DPYD: variants seen among roughly 807,000 people sequenced by gnomAD.
DPYD encodes dihydropyrimidine dehydrogenase [NADP(+)].
Under a neutral mutation model 116.2 loss-of-function variants are expected in DPYD, and 109 were observed. The ratio of observed to expected loss-of-function variants is 0.94; its 90% CI spans 0.80 to 1.10. The LOEUF is 1.10. DPYD is among the 50% of genes least tolerant of loss of function. DPYD has a pLI of 0.00. For missense variants in DPYD, 1,302 were observed against 1,254.5 expected (o/e 1.04, Z -0.57); for synonymous variants, 440 against 432.0 (o/e 1.02, Z -0.23).
At chr1:97,638,778 T>C (rs1657714158) in intron 8 of DPYD, among the ~76,000 whole-genome samples, 1 of 152,004 alleles carries the variant, frequency 6.6e-6, no homozygotes, top group Non-Finnish European at 1.5e-5. Flanking sequence ...TGTCGGGCTC[T>C]TCTTAAAAAC....
chr1:97,283,660 TCTA>T (rs1665476001), intron 18 of DPYD, among the ~76,000 whole-genome samples: 1 of 152,184 alleles, frequency 6.6e-6, no homozygotes, highest in African/African-American at 2.4e-5. Context: ...CTATGAGTCT[TCTA>T]CTATAAGAAC....
chr1:97,162,462 T>C (rs1570579656), intron 20 of DPYD, among the ~76,000 whole-genome samples: 2 of 152,216 alleles, frequency 1.3e-5, no homozygotes, highest in East Asian at 1.9e-4. Context: ...TACAAACCAC[T>C]GCTCAATGAA....
chr1:97,162,021 G>A (rs866789145), intron 20 of DPYD, among the ~76,000 whole-genome samples: 121 of 151,422 alleles, frequency 8.0e-4, no homozygotes, highest in Non-Finnish European at 1.3e-3. Context: ...GAATAGAGCC[G>A]CAATAAACAT....
chr1:97,626,585 T>C (rs1164757150), intron 8 of DPYD, among the ~76,000 whole-genome samples: 1 of 152,088 alleles, frequency 6.6e-6, no homozygotes, highest in African/African-American at 2.4e-5. Context: ...TTTCTGAATG[T>C]GATATATACA....
intron 14 of DPYD, among the ~76,000 whole-genome samples, chr1:97,445,393 T>C (rs1676018022): frequency 6.6e-6 from 1 of 152,196 alleles, no homozygotes; most frequent in Non-Finnish European, 1.5e-5. Flanking sequence ...TGCATGTTTG[T>C]TCAGCACACA....
At chr1:97,244,330 C>T (rs1265043544) in intron 18 of DPYD, among the ~76,000 whole-genome samples, 2 of 151,860 alleles carry the variant, frequency 1.3e-5, no homozygotes, top group East Asian at 1.9e-4. Context: ...TTTGCAAATG[C>T]CATTAGTTCA....
At chr1:97,342,700 A>G (rs753794833) in intron 16 of DPYD, among the ~76,000 whole-genome samples, 3 of 152,182 alleles carry the variant, frequency 2.0e-5, no homozygotes, top group Non-Finnish European at 4.4e-5. Flanking sequence ...AGCACTGATG[A>G]ATGTTCAGAA....
chr1:97,649,084 T>C (rs1404221595), intron 8 of DPYD, among the ~76,000 whole-genome samples: 2 of 152,098 alleles, frequency 1.3e-5, no homozygotes, highest in African/African-American at 2.4e-5. Flanking sequence ...TACATTAATA[T>C]TTAACATCTA....
chr1:97,097,695 G>A (rs1650365254), intron 21 of DPYD, among the ~76,000 whole-genome samples: 1 of 152,032 alleles, frequency 6.6e-6, no homozygotes, highest in Non-Finnish European at 1.5e-5. Context: ...TGACTGTGGT[G>A]GTGGATACAT....
At chr1:97,913,158 T>C (rs750979756) in intron 1 of DPYD, among the ~76,000 whole-genome samples, 7 of 152,138 alleles carry the variant, frequency 4.6e-5, no homozygotes, top group Admixed American at 1.3e-4. Context: ...ACTTTTCTTG[T>C]ATTCTCAGGC....
intron 8 of DPYD, among the ~76,000 whole-genome samples, chr1:97,635,510 T>C (rs974241071): frequency 1.3e-5 from 2 of 152,176 alleles, no homozygotes; most frequent in East Asian, 1.9e-4. Context: ...ACCAGTGTGG[T>C]TCTTGCCTAA....
Position 97,864,660 on chromosome 1 carries a change from C to A in DPYD, c.150+18604G>T, listed in dbSNP as rs372774011. The stretch of plus-strand genomic sequence containing the variant: ...ATACTGAATAGTGAGGATGGCGACT[C>A]GAGAAGCTGTTCTAAGAAGAAAAAT... On this transcript the variant is annotated intron_variant, in intron 2 of 22. Coordinates refer to ENST00000370192, the MANE Select transcript of DPYD (RefSeq NM_000110.4). Among the ~76,000 whole-genome samples the A allele has an allele frequency of 7.9e-5, 12 of 151,768 alleles. 1 individual carries two copies. In the East Asian group the frequency reaches 2.3e-3, roughly 30 times the overall value.
chr1:97,156,176 A>AT lies in DPYD; in HGVS notation c.2622+36892dup, dbSNP rs1039814811. 1.7e-4 allele frequency among the ~76,000 whole-genome samples: 26 copies of AT among 152,164 alleles called. No homozygotes were observed. In the East Asian group the frequency reaches 2.9e-3, roughly 17 times the overall value. On this transcript the variant is annotated intron_variant, in intron 20 of 22. Transcript: ENST00000370192. Reference sequence around the variant, plus strand: ...ATCTGTAGTTATTTGAAATGAATAAATTTTTTTTACCTTGGATTAGAGAAT... The same window carrying AT: ...ATCTGTAGTTATTTGAAATGAATAAATTTTTTTTTACCTTGGATTAGAGAAT...
chr1:97,713,182 A>AT (rs1382605152), intron 5 of DPYD, among the ~76,000 whole-genome samples: 12 of 152,206 alleles, frequency 7.9e-5, no homozygotes, highest in Admixed American at 2.6e-4. Flanking sequence ...ATATTGCTTT[A>AT]TACTACCCTA....
intron 3 of DPYD, among the ~76,000 whole-genome samples, chr1:97,788,618 T>G (rs927148473): frequency 6.6e-6 from 1 of 152,198 alleles, no homozygotes; most frequent in Non-Finnish European, 1.5e-5. Flanking sequence ...AATGGTTGAT[T>G]ATGTAGCAAT....
At chr1:97,839,725 T>C (rs1432585828) in intron 2 of DPYD, among the ~76,000 whole-genome samples, 3 of 152,184 alleles carry the variant, frequency 2.0e-5, no homozygotes, top group African/African-American at 7.2e-5. Flanking sequence ...TAAATTATGG[T>C]GAAAATGACA....
At chr1:97,723,291 T>C (rs1663027189) in intron 4 of DPYD, among the ~76,000 whole-genome samples, 1 of 151,490 alleles carries the variant, frequency 6.6e-6, no homozygotes, top group African/African-American at 2.4e-5. Flanking sequence ...TCACAAGCAA[T>C]AAAACTGAAA....
chr1:97,334,401 T>A (rs762256185), intron 16 of DPYD, among the ~76,000 whole-genome samples: 9 of 152,222 alleles, frequency 5.9e-5, no homozygotes, highest in African/African-American at 2.2e-4. Flanking sequence ...GTTGAAGTTA[T>A]AACCCCTGCT....
At chr1:97,147,009 C>T (rs1371789117) in intron 20 of DPYD, among the ~76,000 whole-genome samples, 1 of 152,088 alleles carries the variant, frequency 6.6e-6, no homozygotes, top group Non-Finnish European at 1.5e-5. Flanking sequence ...GTTTGAAAAC[C>T]ACTTTACTGA....
Sources: allele counts gnomAD v4.1 joint callset (sites outside exome capture counted in the v4.1 genomes callset), GRCh38; gene constraint gnomAD v4.1.1; transcripts MANE v1.5; gene names NCBI Gene and HGNC (gene_info 2026-07-23, HGNC 2026-07-21).